The following LRRC37A2 variants were observed in gnomAD, a reference collection of about 807,000 sequenced individuals.
LRRC37A2 encodes the protein leucine rich repeat containing 37 member A2.
A neutral mutation model predicts 68.8 loss-of-function variants in LRRC37A2; 9 were observed. That is an observed-to-expected ratio of 0.13 (90% CI 0.08 to 0.23). LRRC37A2 has a LOEUF of 0.23. Ranked by LOEUF, LRRC37A2 falls within the 10% of genes least tolerant of loss-of-function variation. The pLI, the probability that LRRC37A2 is intolerant of heterozygous loss-of-function variation, is 1.00. For synonymous variants in LRRC37A2, 63 were observed against 367.6 expected (o/e 0.17, Z 9.48); for missense variants, 168 against 950.4 (o/e 0.18, Z 10.82).
the LRRC37A2 span, among the ~76,000 whole-genome samples, chr17:46,902,261 G>A: frequency 4.6e-5 from 7 of 152,178 alleles, no homozygotes; most frequent in Admixed American, 2.0e-4. Flanking sequence ...TATTTTTCCC[G>A]TGCTTTAGAT....
chr17:46,869,892 G>T, the LRRC37A2 span, among the ~76,000 whole-genome samples: 1 of 152,034 alleles, frequency 6.6e-6, no homozygotes, highest in Admixed American at 6.6e-5. Flanking sequence ...CCAGCTACTC[G>T]GGAGGCTGAG....
the LRRC37A2 span, chr17:46,923,306 A>G: frequency 6.5e-7 from 1 of 1,546,632 alleles, no homozygotes; most frequent in South Asian, 1.2e-5. Context: ...CTCGGACGTC[A>G]GCCAGGGTAG....
the LRRC37A2 span, among the ~76,000 whole-genome samples, chr17:46,869,211 A>G: frequency 6.6e-6 from 1 of 152,198 alleles, no homozygotes; most frequent in African/African-American, 2.4e-5. Context: ...CATTACCACT[A>G]ATAAAATTAA....
At chr17:46,783,452 C>T in the LRRC37A2 span, among the ~76,000 whole-genome samples, 134 of 152,266 alleles carry the variant, frequency 8.8e-4, no homozygotes, top group African/African-American at 3.0e-3. Flanking sequence ...GTTCTGGGAA[C>T]GTGGAGATTA....
the LRRC37A2 span, among the ~76,000 whole-genome samples, chr17:46,944,352 C>T: frequency 2.6e-5 from 4 of 152,216 alleles, no homozygotes; most frequent in Non-Finnish European, 5.9e-5. Context: ...GCAGCAACCA[C>T]GGGCCACACA....
the LRRC37A2 span, among the ~76,000 whole-genome samples, chr17:46,909,561 G>A: frequency 5.9e-5 from 9 of 152,216 alleles, no homozygotes; most frequent in Middle Eastern, 3.4e-3. Context: ...ATCACATCTC[G>A]ATTTGCTCTA....
the LRRC37A2 span, among the ~76,000 whole-genome samples, chr17:46,793,016 G>A: frequency 1.3e-5 from 2 of 151,800 alleles, no homozygotes; most frequent in African/African-American, 4.8e-5. Flanking sequence ...TGTAAACCCG[G>A]CACTTTGAAA....
chr17:46,755,532 T>A, the LRRC37A2 span: 1 of 721,772 alleles, frequency 1.4e-6, no homozygotes, highest in East Asian at 2.7e-5. Flanking sequence ...TTGGTTGTAC[T>A]GTTGGTTTGC....
At chr17:46,528,091 C>T (rs1194488960) in intron 6 of LRRC37A2, among the ~76,000 whole-genome samples, 22 of 114,302 alleles carry the variant, frequency 1.9e-4, no homozygotes, top group African/African-American at 7.0e-4. Flanking sequence ...CTCTGAGAAT[C>T]CCACGCTTCT....
chr17:46,820,271 G>A, the LRRC37A2 span, among the ~76,000 whole-genome samples: 1 of 152,196 alleles, frequency 6.6e-6, no homozygotes, highest in African/African-American at 2.4e-5. Flanking sequence ...AGCCGCCTGG[G>A]CTTGTCATGG....
At chr17:46,936,296 T>A in the LRRC37A2 span, 1 of 985,208 alleles carries the variant, frequency 1.0e-6, no homozygotes, top group Non-Finnish European at 1.2e-6. Context: ...AAACTCCATG[T>A]CACACTGATG....
chr17:46,605,481 A>G, the LRRC37A2 span, among the ~76,000 whole-genome samples: 3 of 149,982 alleles, frequency 2.0e-5, no homozygotes, highest in African/African-American at 4.9e-5. Context: ...GAGAAAAAAG[A>G]TATTACCTTC....
chr17:46,851,426 G>C, the LRRC37A2 span, among the ~76,000 whole-genome samples: 2 of 151,196 alleles, frequency 1.3e-5, no homozygotes, highest in African/African-American at 4.8e-5. This position sits in a 1 kb window ranked among gnomAD's most constrained non-coding sequence, Gnocchi z 4.3. Context: ...GTCCAGGGGC[G>C]GCTGCCCCAC....
At chr17:47,031,450 T>G in the LRRC37A2 span, among the ~76,000 whole-genome samples, 11,083 of 144,932 alleles carry the variant, frequency 0.076, 722 homozygotes, top group Middle Eastern at 0.14. Context: ...AAATGTTAAG[T>G]ATGTTTATAT....
chr17:46,733,375 A>T, the LRRC37A2 span, among the ~76,000 whole-genome samples: 1 of 151,694 alleles, frequency 6.6e-6, no homozygotes, highest in African/African-American at 2.4e-5. Flanking sequence ...TGGGAGACAG[A>T]GTGTCTGAAA....
chr17:46,791,679 C>T, the LRRC37A2 span, among the ~76,000 whole-genome samples: 3 of 152,240 alleles, frequency 2.0e-5, no homozygotes, highest in African/African-American at 7.2e-5. Context: ...TGTCTGCATT[C>T]TACTTACATT....
At chr17:46,492,689 G>GTTTT in the LRRC37A2 span, among the ~76,000 whole-genome samples, 39 of 107,834 alleles carry the variant, frequency 3.6e-4, no homozygotes, top group East Asian at 1.6e-3. Context: ...GTTTTGTTTT[G>GTTTT]TTTTTTTTTT....
the LRRC37A2 span, among the ~76,000 whole-genome samples, chr17:46,892,607 G>A: frequency 1.3e-5 from 2 of 152,158 alleles, no homozygotes; most frequent in Admixed American, 1.3e-4. Context: ...TCCCCACACT[G>A]GACTGTGAGC....
the LRRC37A2 span, among the ~76,000 whole-genome samples, chr17:46,493,726 A>G: frequency 6.7e-6 from 1 of 148,542 alleles, no homozygotes; most frequent in Non-Finnish European, 1.5e-5. Context: ...TTTAGTAGAG[A>G]CGGGGTTTCA....
Sources: allele counts gnomAD v4.1 joint callset (sites outside exome capture counted in the v4.1 genomes callset), GRCh38; gene constraint gnomAD v4.1.1; non-coding constraint Gnocchi (gnomAD v3.1); transcripts MANE v1.5; gene names NCBI Gene and HGNC (gene_info 2026-07-23, HGNC 2026-07-21).